Variants in SMO observed in about 807,000 individuals in gnomAD.
The protein encoded by SMO is smoothened, frizzled class receptor, also known as protein smoothened.
Under a neutral mutation model 81.6 loss-of-function variants are expected in SMO, and 40 were observed. The ratio of observed to expected loss-of-function variants is 0.49; its 90% CI spans 0.38 to 0.64. The LOEUF is 0.64. Among genes scored for constraint, SMO ranks in the 30% least tolerant of loss-of-function variants. SMO has a pLI of 0.00. For missense variants in SMO, 916 were observed against 1,061.1 expected (o/e 0.86, Z 1.90); for synonymous variants, 434 against 432.1 (o/e 1.00, Z -0.05).
At chr7:129,190,864 G>A (rs1793472029) in intron 1 of SMO, among the ~76,000 whole-genome samples, 1 of 152,144 alleles carries the variant, frequency 6.6e-6, no homozygotes, top group Non-Finnish European at 1.5e-5. Context: ...CTTCTTTTAC[G>A]ATGTTTGCAT....
At chr7:129,205,133 T>TA in intron 2 of SMO, 70 bp from the exon 3 acceptor site, 1 of 1,365,816 alleles carries the variant, frequency 7.3e-7, no homozygotes, top group Non-Finnish European at 1.0e-6. Flanking sequence ...GCTACCTAGA[T>TA]ACCTTTCCCT....
chr7:129,206,303 C>T lies in SMO; in HGVS notation c.1074C>T (p.Ser358=), dbSNP rs147061043. ...TTYQPLSGKT[S]YFHLLTWSLP... is the part of the protein sequence containing the mutation. Reference sequence around the variant, plus strand: ...ACCAGCCTCTCTCGGGCAAGACCTCCTACTTCCACCTGCTCACCTGGTCAC... The same window carrying T: ...ACCAGCCTCTCTCGGGCAAGACCTCTTACTTCCACCTGCTCACCTGGTCAC... The change falls in exon 5 of 12, where the codon TCC becomes TCT. Residue 358 remains serine (S), a synonymous_variant. Coordinates refer to ENST00000249373, the MANE Select transcript of SMO (RefSeq NM_005631.5). This position sits in a 1 kb window ranked among gnomAD's most constrained non-coding sequence, Gnocchi z 4.4. The T allele has an allele frequency of 1.9e-6, 3 of 1,614,216 alleles. No homozygotes were observed. Among genetic ancestry groups the T allele is most frequent in the Admixed American group, 3.3e-5 (2 of 60,030 alleles).
In SMO at chr7:129,189,000, C is replaced by T; in HGVS notation, c.-152C>T. On this transcript the variant is annotated 5_prime_UTR_variant, in exon 1 of 12. Coordinates refer to ENST00000249373, the MANE Select transcript of SMO (RefSeq NM_005631.5). This position sits in a 1 kb window ranked among gnomAD's most constrained non-coding sequence, Gnocchi z 4.9. ...AGTTGGGCGCCGAGGGGCCGGGGCG[C>T]GCGGAGCGTCCGGGGGGGCCCGGGC... is the stretch of plus-strand genomic sequence containing the variant. The T allele has an allele frequency of 1.7e-6, 1 of 587,940 alleles. No individual in the cohort carries two copies. The highest frequency in any genetic ancestry group is 2.4e-6 in the Non-Finnish European group (1 of 408,296). 36.4% of individuals were successfully genotyped at this position (587,940 alleles called of 1,614,324 possible).
At position 129,189,757 on chromosome 7, in the gene SMO, G is replaced by T. The variant is rs1563144774; in HGVS notation, c.331+275G>T. ...ATGGCGGGGATGAGGGGCCCGTGAG[G>T]AGGTGGCTCTAAGCCACGGGAAAAG... On this transcript the variant is annotated intron_variant, in intron 1 of 11. Coordinates refer to ENST00000249373, the MANE Select transcript of SMO (RefSeq NM_005631.5). The surrounding 1 kb of genome is among the most constrained non-coding windows in gnomAD (Gnocchi z 4.7). Among the ~76,000 whole-genome samples, 2 of 152,194 alleles carry T rather than the reference G, an allele frequency of 1.3e-5. No individual in the cohort carries two copies. The highest frequency in any genetic ancestry group is 2.9e-5 in the Non-Finnish European group (2 of 68,034).
intron 6 of SMO, among the ~76,000 whole-genome samples, chr7:129,207,891 TC>T (rs61298921): frequency 1 from 152,079 of 152,080 alleles, 76,039 homozygotes; most frequent in Non-Finnish European, 1. Flanking sequence ...AGACCCTGTC[TC>T]CAAAGAAAAC....
chr7:129,196,901 C>CA (rs889851481), intron 1 of SMO, among the ~76,000 whole-genome samples: 161 of 151,022 alleles, frequency 1.1e-3, no homozygotes, highest in African/African-American at 3.7e-3. Context: ...CCTGTAGTCC[C>CA]AGCTACTCAG....
At position 129,210,435 on chromosome 7, in the gene SMO, G is replaced by C. The variant is rs763839373; in HGVS notation, c.1539G>C (p.Pro513=). 1 of 1,614,164 alleles carries C rather than the reference G, an allele frequency of 6.2e-7. No homozygotes were observed. The highest frequency in any genetic ancestry group is 8.5e-7 in the Non-Finnish European group (1 of 1,179,986). The part of the protein sequence containing the change: ...PIPDCEIKNR[P]SLLVEKINLF... ...CTGACTGTGAGATCAAGAATCGCCC[G>C]AGCCTTCTGGTGGAGAAGATCAACC... Residue 513 remains proline, a synonymous_variant, in exon 9 of 12, where the codon CCG becomes CCC. Coordinates refer to ENST00000249373, the MANE Select transcript of SMO (RefSeq NM_005631.5). The surrounding 1 kb of genome is among the most constrained non-coding windows in gnomAD (Gnocchi z 4.7).
chr7:129,188,987 AGGGGCCGGGGCGCGCGGAGCGTCCGG>A lies in SMO; in HGVS notation c.-160_-135del. On this transcript the variant is annotated 5_prime_UTR_variant, in exon 1 of 12. An upstream open reading frame in the 5' UTR loses its in-frame stop. Coordinates refer to ENST00000249373, the MANE Select transcript of SMO (RefSeq NM_005631.5). The surrounding 1 kb of genome is among the most constrained non-coding windows in gnomAD (Gnocchi z 4.9). ...CCAAAGTTTGCGAAGTTGGGCGCCG[AGGGGCCGGGGCGCGCGGAGCGTCCGG>A]GGGGGCCCGGGCCCGGATTCTCTGG... 2.0e-6 allele frequency: 1 copy of A among 502,374 alleles called. No individual in the cohort carries two copies. The highest frequency in any genetic ancestry group is 3.0e-6 in the Non-Finnish European group (1 of 331,362). 31.1% of individuals were successfully genotyped at this position (502,374 alleles called of 1,614,324 possible). A position where few individuals can be genotyped will look rare whatever the true frequency, so the allele number is the denominator to read the frequency against.
In SMO at chr7:129,205,322, C is replaced by T. The variant is rs747822476; in HGVS notation, c.657C>T (p.Asn219=). ...AGGGCTGCGGCATCCAGTGCCAGAA[C>T]CCGCTCTTCACAGAGGCTGAGCACC... The part of the protein sequence containing the change: ...DVEGCGIQCQ[N]PLFTEAEHQD... Residue 219 remains asparagine, a synonymous_variant, in exon 3 of 12, where the codon AAC becomes AAT. Coordinates refer to ENST00000249373, the MANE Select transcript of SMO (RefSeq NM_005631.5). The T allele has an allele frequency of 6.2e-7, 1 of 1,614,198 alleles. No homozygotes were observed. The highest frequency in any genetic ancestry group is 8.5e-7 in the Non-Finnish European group (1 of 1,180,014).
Position 129,211,529 on chromosome 7 carries a change from G to C in SMO, c.1802-107G>C. The C allele has an allele frequency of 8.1e-7, 1 of 1,241,108 alleles. No homozygotes were observed. The highest frequency in any genetic ancestry group is 1.2e-6 in the Non-Finnish European group (1 of 855,422). 76.9% of individuals were successfully genotyped at this position (1,241,108 alleles called of 1,614,324 possible). A position where few individuals can be genotyped will look rare whatever the true frequency, so the allele number is the denominator to read the frequency against. On this transcript the variant is annotated intron_variant, in intron 10 of 11. Transcript: ENST00000249373. The surrounding 1 kb of genome is among the most constrained non-coding windows in gnomAD (Gnocchi z 4.6). Reference sequence around the variant, plus strand: ...TTACAGGGTGAGCTTTCTCTGGTGAGCAGGAGGGACTGGCTGTGGGAAGAT... The same window carrying C: ...TTACAGGGTGAGCTTTCTCTGGTGACCAGGAGGGACTGGCTGTGGGAAGAT...
rs1007935374 is a variant in SMO at position 129,210,974 on chromosome 7, G to A, written c.1662G>A (p.Gly554=). 6.2e-6 allele frequency: 10 copies of A among 1,609,146 alleles called. No individual in the cohort carries two copies. The highest frequency in any genetic ancestry group is 8.5e-6 in the Non-Finnish European group (10 of 1,177,448). The change falls in exon 10 of 12, where the codon GGG becomes GGA. Residue 554 remains glycine (G), a synonymous_variant. Coordinates refer to ENST00000249373, the MANE Select transcript of SMO (RefSeq NM_005631.5). This position sits in a 1 kb window ranked among gnomAD's most constrained non-coding sequence, Gnocchi z 4.7. ...IWRRTWCRLT[G]QSDDEPKRIK... is the part of the protein sequence containing the mutation. ...TCCCTTCTGCTCTCAGGTTGACTGG[G>A]CAGAGTGACGATGAGCCAAAGCGGA...
In SMO at chr7:129,210,889, C is replaced by A; in HGVS notation, c.1653-76C>A. ...GAGCCTCCTTCTCTGGAAAGAATGG[C>A]ATCGCTGGCCCTTCCCAAGATTTGA... On this transcript the variant is annotated intron_variant, in intron 9 of 11. Transcript: ENST00000249373. This position sits in a 1 kb window ranked among gnomAD's most constrained non-coding sequence, Gnocchi z 4.7. The A allele has an allele frequency of 6.7e-7, 1 of 1,484,728 alleles. No individual in the cohort carries two copies. Among genetic ancestry groups the A allele is most frequent in the Non-Finnish European group, 9.1e-7 (1 of 1,098,738 alleles). The allele number at this position is 1,484,728 out of a possible 1,614,324, so 92.0% of individuals were successfully genotyped here. A position where few individuals can be genotyped will look rare whatever the true frequency, so the allele number is the denominator to read the frequency against.
intron 6 of SMO, among the ~76,000 whole-genome samples, chr7:129,207,668 C>T (rs926068260): frequency 3.9e-5 from 6 of 152,230 alleles, no homozygotes; most frequent in East Asian, 3.9e-4. Flanking sequence ...CTGAGACGGA[C>T]GGATCACTTG....
Position 129,208,740 on chromosome 7 carries a change from A to C in SMO, c.1265-19A>C, listed in dbSNP as rs764162959. On this transcript the variant is annotated intron_variant, in intron 6 of 11. Coordinates refer to ENST00000249373, the MANE Select transcript of SMO (RefSeq NM_005631.5). The surrounding 1 kb of genome is among the most constrained non-coding windows in gnomAD (Gnocchi z 5.2). ...GCAGCCTCACCCCTGCTAATGTCTG[A>C]GGTCCCCCTTCTGTTCAGGAGTCAT... 8.4e-6 allele frequency: 13 copies of C among 1,556,100 alleles called. No homozygotes were observed. Among genetic ancestry groups the C allele is most frequent in the Non-Finnish European group, 4.4e-6 (5 of 1,127,856 alleles).
rs765448047 is a variant in SMO at position 129,208,716 on chromosome 7, C to T, written c.1265-43C>T. 4 of 1,271,110 alleles carry T rather than the reference C, an allele frequency of 3.1e-6. No individual in the cohort carries two copies. The South Asian group carries it at 3.6e-5, about 11-fold the overall frequency. 78.7% of individuals were successfully genotyped at this position (1,271,110 alleles called of 1,614,324 possible). ...CACTCACCCATCCTTCCCAGCAGGGCAGCCTCACCCCTGCTAATGTCTGAG... is the reference window on the plus strand; with the variant it reads ...CACTCACCCATCCTTCCCAGCAGGGTAGCCTCACCCCTGCTAATGTCTGAG... On this transcript the variant is annotated intron_variant, in intron 6 of 11. Transcript: ENST00000249373. The surrounding 1 kb of genome is among the most constrained non-coding windows in gnomAD (Gnocchi z 5.2).
At position 129,211,309 on chromosome 7, in the gene SMO, GC is replaced by G. The variant is rs779014067; in HGVS notation, c.1801+200del. On this transcript the variant is annotated intron_variant, in intron 10 of 11. Coordinates refer to ENST00000249373, the MANE Select transcript of SMO (RefSeq NM_005631.5). This position sits in a 1 kb window ranked among gnomAD's most constrained non-coding sequence, Gnocchi z 4.6. ...GGGGGGCTCTCCCCTCTCTGTTTCT[GC>G]CCCTGGGTCTGCTTGCCGGTGCTTG... 49 of 742,578 alleles carry G rather than the reference GC, an allele frequency of 6.6e-5. No individual in the cohort carries two copies. The highest frequency in any genetic ancestry group is 1.1e-4 in the Non-Finnish European group (48 of 423,038). The allele number at this position is 742,578 out of a possible 1,614,324, so 46.0% of individuals were successfully genotyped here.
At position 129,211,155 on chromosome 7, in the gene SMO, G is replaced by A. The variant is rs747356432; in HGVS notation, c.1801+42G>A. 6 of 1,570,324 alleles carry A rather than the reference G, an allele frequency of 3.8e-6. No homozygotes were observed. Among genetic ancestry groups the A allele is most frequent in the Non-Finnish European group, 4.3e-6 (5 of 1,157,170 alleles). ...CTCTACCGGAGCCGCCTGGCCCCGC[G>A]CTGCCCATGTGCTAGTCTCTCCCAG... On this transcript the variant is annotated intron_variant, in intron 10 of 11. Coordinates refer to ENST00000249373, the MANE Select transcript of SMO (RefSeq NM_005631.5). The surrounding 1 kb of genome is among the most constrained non-coding windows in gnomAD (Gnocchi z 4.6).
intron 1 of SMO, among the ~76,000 whole-genome samples, chr7:129,193,980 G>C (rs1793528366): frequency 6.7e-6 from 1 of 149,270 alleles, no homozygotes; most frequent in African/African-American, 2.5e-5. Flanking sequence ...CACACCTGTG[G>C]TCCCAGCTAC....
Position 129,206,963 on chromosome 7 carries a change from C to G in SMO, c.1264+376C>G, listed in dbSNP as rs2703093. Among the ~76,000 whole-genome samples the G allele has an allele frequency of 0.79, 119,574 of 152,152 alleles. 47,436 individuals are homozygous for G. Among genetic ancestry groups the G allele is most frequent in the Middle Eastern group, 0.88 (260 of 294 alleles). Reference sequence around the variant, plus strand: ...GGGTTCAAGTGATTCTCCTGCCTCACCCTCCCCCATAGCTAAAATTACAGG... The same window carrying G: ...GGGTTCAAGTGATTCTCCTGCCTCAGCCTCCCCCATAGCTAAAATTACAGG... On this transcript the variant is annotated intron_variant, in intron 6 of 11. Transcript: ENST00000249373. The surrounding 1 kb of genome is among the most constrained non-coding windows in gnomAD (Gnocchi z 4.4).
Sources: allele counts gnomAD v4.1 joint callset (sites outside exome capture counted in the v4.1 genomes callset), GRCh38; gene constraint gnomAD v4.1.1; non-coding constraint Gnocchi (gnomAD v3.1); transcripts MANE v1.5; gene names NCBI Gene and HGNC (gene_info 2026-07-23, HGNC 2026-07-21).